Variants in SMAP2 observed in about 807,000 individuals in gnomAD.
SMAP2 encodes the protein stromal membrane-associated protein 2.
SMAP2 carries 25 observed loss-of-function variants against 56.4 expected under a neutral mutation model. That is an observed-to-expected ratio of 0.44 (90% confidence interval 0.32 to 0.62). The LOEUF (loss-of-function observed/expected upper bound fraction) is 0.62. Among genes scored for constraint, SMAP2 ranks in the 20% least tolerant of loss-of-function variants. The probability of loss-of-function intolerance (pLI) is 0.04; values close to 1 mark genes in which losing one functional copy is unlikely to be tolerated. For missense variants in SMAP2, 388 were observed against 545.6 expected, an observed-to-expected ratio of 0.71 and a Z score of 2.88; for synonymous variants, 157 against 181.7, an observed-to-expected ratio of 0.86 and a Z score of 1.09.
intron 4 of SMAP2, among the ~76,000 whole-genome samples, chr1:40,411,971 C>T (rs527821902): frequency 3.9e-5 from 6 of 152,164 alleles, no homozygotes; most frequent in South Asian, 2.1e-4. Context: ...GTAGACTTCT[C>T]GTGCCTTCAT....
chr1:40,374,191 A>T lies in SMAP2; in HGVS notation c.71A>T (p.Asp24Val), dbSNP rs1397275505. 6.2e-7 allele frequency: 1 copy of T among 1,613,554 alleles called. No individual in the cohort carries two copies. The highest frequency in any genetic ancestry group is 1.7e-5 in the Admixed American group (1 of 59,928). The change falls in exon 1 of 10, where the codon GAT becomes GTT. Residue 24 changes from aspartate (D) to valine (V), a missense_variant. By Grantham distance (152) the Asp-to-Val change is radical. Coordinates refer to ENST00000372718, the MANE Select transcript of SMAP2 (RefSeq NM_022733.3). This position sits in a 1 kb window ranked among gnomAD's most constrained non-coding sequence, Gnocchi z 5.9. ...AVLANLLLEE[D>V]NKFCADCQSK... ...CTGGCCAACCTGCTGCTGGAGGAGG[A>T]TAACAAGTTTTGTGCAGATTGCCAG...
At position 40,357,182 on chromosome 1, in the gene SMAP2, T is replaced by G. The variant is rs189583524; in HGVS notation, c.-82-5118T>G. 2.4e-3 allele frequency among the ~76,000 whole-genome samples: 359 copies of G among 151,958 alleles called. 1 individual carries two copies. Among genetic ancestry groups the G allele is most frequent in the African/African-American group, 8.4e-3 (346 of 41,262 alleles). ...TATTTCCAATGGACCCCATTGTCCA[T>G]TTTTGCTTTGGTTTCCTGTGCTTGT... On this transcript the variant is annotated intron_variant, in intron 1 of 6. Coordinates refer to the SMAP2 transcript ENST00000435168.
intron 1 of SMAP2, among the ~76,000 whole-genome samples, chr1:40,351,478 T>A (rs1644408618): frequency 6.6e-6 from 1 of 152,184 alleles, no homozygotes; most frequent in African/African-American, 2.4e-5. Context: ...CCTTGACTCC[T>A]TAAAGAAATG....
intron 6 of SMAP2, among the ~76,000 whole-genome samples, chr1:40,415,006 AG>A (rs1644973000): frequency 6.6e-6 from 1 of 152,164 alleles, no homozygotes; most frequent in Non-Finnish European, 1.5e-5. Context: ...GGAGCCAGCC[AG>A]CCCCCCACTG....
intron 6 of SMAP2, among the ~76,000 whole-genome samples, chr1:40,414,568 T>C (rs1007202829): frequency 1.3e-5 from 2 of 152,100 alleles, no homozygotes; most frequent in African/African-American, 4.8e-5. Context: ...TGAGAATGAG[T>C]CTCTACTTCA....
At chr1:40,389,171 T>C (rs1644691749) in intron 1 of SMAP2, among the ~76,000 whole-genome samples, 1 of 152,224 alleles carries the variant, frequency 6.6e-6, no homozygotes, top group East Asian at 1.9e-4. Context: ...ATATACCTGA[T>C]GTGCGGAAAT....
Position 40,421,967 on chromosome 1 carries a change from C to A in SMAP2, c.1165-9C>A. 1 of 1,614,146 alleles carries A rather than the reference C, an allele frequency of 6.2e-7. No individual in the cohort carries two copies. Among genetic ancestry groups the A allele is most frequent in the South Asian group, 1.1e-5 (1 of 91,078 alleles). On this transcript the variant is annotated splice_polypyrimidine_tract_variant and intron_variant, in intron 9 of 9. Coordinates refer to ENST00000372718, the MANE Select transcript of SMAP2 (RefSeq NM_022733.3). ...AGCCTGGTCTGAAAGTCTCCTCTCT[C>A]CCTTTCAGATGACCCAGCAGATGGC...
chr1:40,408,664 G>T lies in SMAP2; in HGVS notation c.249G>T (p.Glu83Asp). The T allele has an allele frequency of 6.2e-7, 1 of 1,613,910 alleles. No individual in the cohort carries two copies. The highest frequency in any genetic ancestry group is 8.5e-7 in the Non-Finnish European group (1 of 1,179,806). Residue 83 changes from glutamate (E) to aspartate (D), a missense_variant, in exon 3 of 10, where the codon GAG (glutamate) becomes GAT (aspartate). Physicochemically the swap from Glu to Asp is conservative, Grantham distance 45. Coordinates refer to ENST00000372718, the MANE Select transcript of SMAP2 (RefSeq NM_022733.3). The surrounding 1 kb of genome is among the most constrained non-coding windows in gnomAD (Gnocchi z 4.3). ...CTCTTTGGTCACAGTGCATGCAAGA[G>T]ATGGGAAATGGAAAGGCAAACCGAC... ...WTQEQIQCMQ[E>D]MGNGKANRLY...
At chr1:40,387,800 C>G (rs1180569228) in intron 1 of SMAP2, among the ~76,000 whole-genome samples, 1 of 152,112 alleles carries the variant, frequency 6.6e-6, no homozygotes, top group Non-Finnish European at 1.5e-5. Context: ...GGAGCCCCTT[C>G]CTGGGCTGGC....
At chr1:40,418,742 A>C (rs1392835988) in intron 9 of SMAP2, among the ~76,000 whole-genome samples, 1 of 152,238 alleles carries the variant, frequency 6.6e-6, no homozygotes, top group Non-Finnish European at 1.5e-5. Flanking sequence ...AAAGAATAAC[A>C]AGGAGAGTAG....
intron 1 of SMAP2, among the ~76,000 whole-genome samples, chr1:40,388,183 C>G (rs1644679328): frequency 6.6e-6 from 1 of 152,248 alleles, no homozygotes. Flanking sequence ...ACGAGACCGC[C>G]CCCTGCTCCA....
At chr1:40,363,234 T>C (rs1644466878) in intron 2 of SMAP2, among the ~76,000 whole-genome samples, 1 of 151,706 alleles carries the variant, frequency 6.6e-6, no homozygotes, top group South Asian at 2.1e-4. Flanking sequence ...TCTGGGGGAG[T>C]ATATATAAAG....
Position 40,374,004 on chromosome 1 carries a change from C to T in SMAP2, c.-117C>T. On this transcript the variant is annotated 5_prime_UTR_variant, in exon 1 of 10. Coordinates refer to ENST00000372718, the MANE Select transcript of SMAP2 (RefSeq NM_022733.3). This position sits in a 1 kb window ranked among gnomAD's most constrained non-coding sequence, Gnocchi z 5.9. ...CGGCGGGGCCGGAGGAGAGGGCTCT[C>T]CCCGCTCAGGAGGTGCCCCTGGGCG... 3 of 744,190 alleles carry T rather than the reference C, an allele frequency of 4.0e-6. No homozygotes were observed. Among genetic ancestry groups the T allele is most frequent in the Non-Finnish European group, 6.8e-6 (3 of 441,698 alleles). 46.1% of individuals were successfully genotyped at this position (744,190 alleles called of 1,614,324 possible).
At chr1:40,403,520 AAAG>A (rs1329639409) in intron 1 of SMAP2, among the ~76,000 whole-genome samples, 2 of 152,152 alleles carry the variant, frequency 1.3e-5, no homozygotes, top group African/African-American at 4.8e-5. Context: ...AATAAAATAA[AAAG>A]AAGCACTCCG....
intron 9 of SMAP2, among the ~76,000 whole-genome samples, chr1:40,417,593 C>T (rs539379002): frequency 2.0e-5 from 3 of 152,194 alleles, no homozygotes; most frequent in East Asian, 1.9e-4. Context: ...TCATCAAAGA[C>T]ATACTGAGAA....
intron 1 of SMAP2, among the ~76,000 whole-genome samples, chr1:40,347,210 T>TTGTGTG (rs150333831): frequency 1.4e-5 from 2 of 145,328 alleles, no homozygotes; most frequent in African/African-American, 2.6e-5. Flanking sequence ...CCTGGCTAAT[T>TTGTGTG]TGTGTGTGTG....
intron 1 of SMAP2, among the ~76,000 whole-genome samples, chr1:40,388,042 C>G (rs889059949): frequency 6.6e-6 from 1 of 152,194 alleles, no homozygotes; most frequent in African/African-American, 2.4e-5. Flanking sequence ...AGTGCCGGCC[C>G]ACCGGCGCTG....
At chr1:40,346,729 A>G (rs1161552638) in intron 1 of SMAP2, among the ~76,000 whole-genome samples, 2 of 152,154 alleles carry the variant, frequency 1.3e-5, no homozygotes, top group African/African-American at 4.8e-5. Flanking sequence ...AGAAAAAAAA[A>G]AACTTTTAAC....
rs533759369 is a variant in SMAP2, at chr1:40,389,983, G to C, written c.103+15760G>C. Among the ~76,000 whole-genome samples the C allele has an allele frequency of 2.2e-4, 27 of 123,904 alleles. No individual in the cohort carries two copies. In the East Asian group the frequency reaches 6.3e-3, roughly 29 times the overall value. The allele number at this position is 123,904 out of a possible 152,430, so 81.3% of individuals were successfully genotyped here. A position where few individuals can be genotyped will look rare whatever the true frequency, so the allele number is the denominator to read the frequency against. On this transcript the variant is annotated intron_variant, in intron 1 of 9. Transcript: ENST00000372718. The stretch of plus-strand genomic sequence containing the variant: ...CTAATGTTCCCTTTGCAGGATCTTT[G>C]TACTCACATGGCTGGTATCTTTGCC...
Sources: gnomAD v4.1 joint callset for allele counts (sites outside exome capture counted in the v4.1 genomes callset) on GRCh38, gnomAD v4.1.1 for gene constraint, Gnocchi (gnomAD v3.1) non-coding constraint, MANE v1.5 for transcripts, NCBI Gene and HGNC (gene_info 2026-07-23, HGNC 2026-07-21) for gene names.